GLYR1: variants seen among roughly 807,000 people sequenced by gnomAD.
The protein encoded by GLYR1 is cytokine-like nuclear factor N-PAC.
GLYR1 carries 21 observed loss-of-function variants against 72.7 expected under a neutral mutation model. The ratio of observed to expected loss-of-function variants is 0.29; its 90% confidence interval spans 0.20 to 0.42. GLYR1 has a LOEUF of 0.42. Among genes scored for constraint, GLYR1 ranks in the 10% least tolerant of loss-of-function variants. The pLI, the probability that GLYR1 is intolerant of heterozygous loss-of-function variation, is 1.00. For synonymous variants in GLYR1, 392 were observed against 270.2 expected, an observed-to-expected ratio of 1.45 and a Z score of -4.42; for missense variants, 594 against 712.1, an observed-to-expected ratio of 0.83 and a Z score of 1.89.
chr16:4,845,432 C>T lies in GLYR1; in HGVS notation c.76-279G>A, dbSNP rs551759910. 1.4e-4 allele frequency among the ~76,000 whole-genome samples: 21 copies of T among 152,310 alleles called. 1 individual carries two copies. The highest frequency in any genetic ancestry group is 4.3e-4 in the African/African-American group (18 of 41,566). ...CTCAGTAGACACAATATCCCTTTTA[C>T]TGCAGTGGCCCTGTTTTACAAGCAG... On this transcript the variant is annotated intron_variant, in intron 2 of 15. Transcript: ENST00000321919.
intron 4 of GLYR1, 52 bp downstream of exon 4, chr16:4,832,722 T>C (rs958770167): frequency 1.8e-5 from 28 of 1,554,422 alleles, no homozygotes; most frequent in African/African-American, 1.4e-4. Flanking sequence ...TTAGTTGCTA[T>C]GCAAAAATCA....
Position 4,803,407 on chromosome 16 carries a change from T to C in GLYR1, c.*1829A>G, listed in dbSNP as rs1435780276. The C allele has an allele frequency of 2.6e-5, 4 of 152,668 alleles. No homozygotes were observed. Among genetic ancestry groups the C allele is most frequent in the Non-Finnish European group, 5.9e-5 (4 of 68,046 alleles). The allele number at this position is 152,668 out of a possible 1,614,324, so 9.5% of individuals were successfully genotyped here. ...GTTTAAAGAAAAAAGGGAGGGGCTT[T>C]CTTACAAGCTTTTTCACAAGTGTCA... is the stretch of plus-strand genomic sequence containing the variant. On this transcript the variant is annotated 3_prime_UTR_variant, in exon 16 of 16. Coordinates refer to ENST00000321919, the MANE Select transcript of GLYR1 (RefSeq NM_032569.4).
chr16:4,827,049 G>GGTA (rs1234132359), intron 5 of GLYR1, among the ~76,000 whole-genome samples: 1 of 152,236 alleles, frequency 6.6e-6, no homozygotes, highest in African/African-American at 2.4e-5. Flanking sequence ...CCAGAAAGAG[G>GGTA]GTAGGTGGGC....
intron 1 of GLYR1, 176 bp downstream of exon 1, chr16:4,847,052 C>A: frequency 1.6e-6 from 1 of 611,698 alleles, no homozygotes; most frequent in Non-Finnish European, 2.8e-6. Flanking sequence ...GCCTCGGTCC[C>A]CCGGGACTGG....
intron 15 of GLYR1, among the ~76,000 whole-genome samples, chr16:4,809,597 G>C (rs187316098): frequency 6.9e-6 from 1 of 144,002 alleles, no homozygotes; most frequent in East Asian, 2.1e-4. Flanking sequence ...GGGTGACAGA[G>C]CGAAACTCCG....
chr16:4,811,901 G>T, intron 13 of GLYR1, 99 bp from the exon 14 acceptor site: 1 of 1,459,210 alleles, frequency 6.9e-7, no homozygotes, highest in Non-Finnish European at 9.2e-7. Context: ...CTCTCCAGGG[G>T]AGGCCCCCTT....
intron 5 of GLYR1, 36 bp from the exon 6 acceptor site, chr16:4,823,943 T>C: frequency 6.4e-7 from 1 of 1,550,962 alleles, no homozygotes. Flanking sequence ...TAAAATCACA[T>C]TCAAACCCCA....
At chr16:4,807,108 T>C (rs2880222) in intron 15 of GLYR1, among the ~76,000 whole-genome samples, 1,421 of 86,222 alleles carry the variant, frequency 0.016, 21 homozygotes, top group African/African-American at 0.044. Context: ...GCCTGGCCCC[T>C]TTTTTTTTTT....
chr16:4,832,693 T>G (rs967272377), intron 4 of GLYR1, 81 bp downstream of exon 4: 1 of 1,440,766 alleles, frequency 6.9e-7, no homozygotes, highest in Non-Finnish European at 9.4e-7. Context: ...AGGTTTGCGT[T>G]TGGGTGACAT....
At chr16:4,824,583 A>C (rs7188517) in intron 5 of GLYR1, among the ~76,000 whole-genome samples, 12,192 of 152,096 alleles carry the variant, frequency 0.08, 503 homozygotes, top group Middle Eastern at 0.092. Context: ...ATAAAACCAC[A>C]TGGGGCTGAT....
chr16:4,806,221 C>T (rs987738522), intron 15 of GLYR1, among the ~76,000 whole-genome samples: 1 of 152,098 alleles, frequency 6.6e-6, no homozygotes, highest in East Asian at 1.9e-4. Context: ...CTTGGATAGC[C>T]CCCCCACACA....
At chr16:4,832,744 T>G in intron 4 of GLYR1, 30 bp downstream of exon 4, 1 of 1,583,452 alleles carries the variant, frequency 6.3e-7, no homozygotes, top group Non-Finnish European at 8.6e-7. Flanking sequence ...CAGTCTGGCA[T>G]TGGTAGAAAG....
At chr16:4,836,263 C>G (rs1163159582) in intron 3 of GLYR1, among the ~76,000 whole-genome samples, 3 of 152,188 alleles carry the variant, frequency 2.0e-5, no homozygotes, top group African/African-American at 7.2e-5. Context: ...GGATGTACTG[C>G]TCACCAGTGA....
chr16:4,819,242 G>C (rs7194576), intron 9 of GLYR1, among the ~76,000 whole-genome samples: 18,513 of 152,098 alleles, frequency 0.12, 1,550 homozygotes, highest in African/African-American at 0.24. Flanking sequence ...CGAACTTTTG[G>C]TATCAGGCAA....
intron 5 of GLYR1, among the ~76,000 whole-genome samples, chr16:4,830,849 G>C (rs934876859): frequency 2.0e-5 from 3 of 152,078 alleles, no homozygotes; most frequent in Admixed American, 1.3e-4. Context: ...CGGCATTCTT[G>C]TGGCAATGCA....
At chr16:4,832,689 G>A (rs1166523439) in intron 4 of GLYR1, 85 bp downstream of exon 4, 6 of 1,413,532 alleles carry the variant, frequency 4.2e-6, no homozygotes, top group East Asian at 4.8e-5. Flanking sequence ...ACAAAGGTTT[G>A]CGTTTGGGTG....
intron 6 of GLYR1, 95 bp downstream of exon 6, chr16:4,823,726 A>C: frequency 1.1e-6 from 1 of 944,468 alleles, no homozygotes. Flanking sequence ...ATTAAGCCTC[A>C]CACACAAGAA....
intron 5 of GLYR1, among the ~76,000 whole-genome samples, chr16:4,829,491 T>C (rs1372627933): frequency 1.3e-5 from 2 of 151,710 alleles, no homozygotes; most frequent in African/African-American, 4.8e-5. Flanking sequence ...GTTTCTTTTT[T>C]TGTTGTTTTT....
intron 3 of GLYR1, among the ~76,000 whole-genome samples, chr16:4,836,821 A>AC: frequency 1.3e-5 from 2 of 151,810 alleles, no homozygotes; most frequent in Middle Eastern, 3.4e-3. Flanking sequence ...TGGAAAAAAA[A>AC]AAAAAAAACA....
Sources: gnomAD v4.1 joint callset for allele counts (sites outside exome capture counted in the v4.1 genomes callset) on GRCh38, gnomAD v4.1.1 for gene constraint, MANE v1.5 for transcripts, NCBI Gene and HGNC (gene_info 2026-07-23, HGNC 2026-07-21) for gene names.